The following LRRC4C variants were observed in gnomAD, a reference collection of about 807,000 sequenced individuals.
LRRC4C encodes leucine rich repeat containing 4C.
In LRRC4C, 5 loss-of-function variants were observed where a neutral mutation model predicts 33.6. The ratio of observed to expected loss-of-function variants is 0.15; its 90% CI spans 0.08 to 0.31. The LOEUF is 0.31. Among genes scored for constraint, LRRC4C ranks in the 10% least tolerant of loss-of-function variants. LRRC4C has a pLI of 1.00. For missense variants in LRRC4C, 560 were observed against 796.7 expected (o/e 0.70, Z 3.58); for synonymous variants, 329 against 302.0 (o/e 1.09, Z -0.93).
At chr11:40,339,937 A>G (rs1399040323) in intron 3 of LRRC4C, among the ~76,000 whole-genome samples, 1 of 152,134 alleles carries the variant, frequency 6.6e-6, no homozygotes, top group Non-Finnish European at 1.5e-5. Flanking sequence ...TTTACTTGGA[A>G]ATTTGGCATA....
chr11:40,834,114 T>A (rs1452460290), intron 2 of LRRC4C, among the ~76,000 whole-genome samples: 1 of 151,990 alleles, frequency 6.6e-6, no homozygotes, highest in Non-Finnish European at 1.5e-5. Flanking sequence ...AATTTGTGAG[T>A]TAAAAAAAAT....
At chr11:40,621,551 T>C (rs980364571) in intron 3 of LRRC4C, among the ~76,000 whole-genome samples, 1 of 151,668 alleles carries the variant, frequency 6.6e-6, no homozygotes, top group African/African-American at 2.4e-5. Context: ...TTTTTTTGCC[T>C]AATTTTGTCT....
intron 3 of LRRC4C, among the ~76,000 whole-genome samples, chr11:40,442,162 CAAAAAAAAAAAAAAA>C (rs1158464665): frequency 5.3e-5 from 3 of 56,190 alleles, no homozygotes; most frequent in East Asian, 7.0e-4. Context: ...GACTCCATTT[CAAAAAAAAAAAAAAA>C]AAAAAAAAAA....
At chr11:40,981,982 C>T (rs1246481619) in intron 1 of LRRC4C, among the ~76,000 whole-genome samples, 1 of 152,064 alleles carries the variant, frequency 6.6e-6, no homozygotes, top group Non-Finnish European at 1.5e-5. Context: ...TCTTCTTTCC[C>T]TCAAGATCCT....
intron 3 of LRRC4C, among the ~76,000 whole-genome samples, chr11:40,535,015 G>A (rs910926224): frequency 6.6e-6 from 1 of 152,108 alleles, no homozygotes; most frequent in Non-Finnish European, 1.5e-5. Context: ...AATATAGTAT[G>A]CAGTATTCTT....
intron 4 of LRRC4C, among the ~76,000 whole-genome samples, chr11:40,256,772 T>G (rs931367021): frequency 2.0e-5 from 3 of 152,174 alleles, no homozygotes; most frequent in Non-Finnish European, 4.4e-5. Flanking sequence ...GCCAGAATCT[T>G]ACTTTAGTAG....
intron 1 of LRRC4C, among the ~76,000 whole-genome samples, chr11:41,214,717 TCCAGC>T (rs1375946756): frequency 2.7e-5 from 4 of 146,854 alleles, no homozygotes; most frequent in African/African-American, 1.0e-4. Flanking sequence ...GCCACTGCAC[TCCAGC>T]CTGGGCGACA....
chr11:40,702,254 T>G (rs919647551), intron 2 of LRRC4C, among the ~76,000 whole-genome samples: 2 of 152,094 alleles, frequency 1.3e-5, no homozygotes, highest in East Asian at 3.9e-4. Flanking sequence ...TATGGTTGCT[T>G]TTATCCAACA....
chr11:40,961,092 T>C (rs1329701367), intron 1 of LRRC4C, among the ~76,000 whole-genome samples: 1 of 151,594 alleles, frequency 6.6e-6, no homozygotes, highest in East Asian at 1.9e-4. Flanking sequence ...TGTACCAAGA[T>C]GGAAGGGTGG....
chr11:41,006,922 A>G (rs1179927108), intron 1 of LRRC4C, among the ~76,000 whole-genome samples: 2 of 152,174 alleles, frequency 1.3e-5, no homozygotes, highest in Admixed American at 1.3e-4. Flanking sequence ...TAAGAAAAAG[A>G]TTGTGATTTT....
intron 3 of LRRC4C, among the ~76,000 whole-genome samples, chr11:40,569,793 T>C (rs375434395): frequency 2.0e-5 from 3 of 152,108 alleles, no homozygotes; most frequent in African/African-American, 7.2e-5. Context: ...TTCCTGCTAA[T>C]GGAAATCTTT....
intron 2 of LRRC4C, among the ~76,000 whole-genome samples, chr11:40,834,530 T>C: frequency 6.6e-6 from 1 of 151,870 alleles, no homozygotes; most frequent in East Asian, 1.9e-4. Context: ...ATACTACTTC[T>C]AGTAGTGGGG....
intron 2 of LRRC4C, among the ~76,000 whole-genome samples, chr11:40,825,948 G>T (rs1020911937): frequency 9.0e-5 from 5 of 55,334 alleles, no homozygotes; most frequent in South Asian, 7.4e-4. Flanking sequence ...TCTGGGGGGG[G>T]GGCGTCTCAC....
At chr11:40,843,888 TAG>T (rs1307910135) in intron 2 of LRRC4C, among the ~76,000 whole-genome samples, 1 of 152,174 alleles carries the variant, frequency 6.6e-6, no homozygotes, top group Non-Finnish European at 1.5e-5. Flanking sequence ...CAACAGTGGT[TAG>T]AGAGTATGAG....
intron 1 of LRRC4C, among the ~76,000 whole-genome samples, chr11:41,058,154 G>A (rs1210322981): frequency 6.6e-6 from 1 of 152,228 alleles, no homozygotes; most frequent in Non-Finnish European, 1.5e-5. Context: ...AAGAAGAACT[G>A]CGATTCTTCA....
chr11:40,820,151 G>A (rs373329589), intron 2 of LRRC4C, among the ~76,000 whole-genome samples: 5 of 152,022 alleles, frequency 3.3e-5, no homozygotes, highest in Admixed American at 1.3e-4. Context: ...TAAAGGGATC[G>A]AAATAGAAAA....
chr11:41,287,730 C>T (rs186729051), intron 1 of LRRC4C, among the ~76,000 whole-genome samples: 1 of 152,282 alleles, frequency 6.6e-6, no homozygotes, highest in East Asian at 1.9e-4. Flanking sequence ...CCAAACATTA[C>T]TTTCCTGTTA....
At chr11:40,690,530 T>C (rs984337365) in intron 2 of LRRC4C, among the ~76,000 whole-genome samples, 2 of 152,040 alleles carry the variant, frequency 1.3e-5, no homozygotes, top group Non-Finnish European at 2.9e-5. Flanking sequence ...CAGGCTCTGA[T>C]TGGAAGATGT....
chr11:40,705,794 A>G (rs1366557403), intron 2 of LRRC4C, among the ~76,000 whole-genome samples: 1 of 152,104 alleles, frequency 6.6e-6, no homozygotes, highest in Non-Finnish European at 1.5e-5. Flanking sequence ...GTCTTCCACA[A>G]TGGATGAACT....
Sources: gnomAD v4.1 joint callset for allele counts (sites outside exome capture counted in the v4.1 genomes callset) on GRCh38, gnomAD v4.1.1 for gene constraint, MANE v1.5 for transcripts, NCBI Gene and HGNC (gene_info 2026-07-23, HGNC 2026-07-21) for gene names.